CSMD1: variants seen among roughly 807,000 people sequenced by gnomAD.
CSMD1 encodes CUB and sushi domain-containing protein 1.
In CSMD1, 213 loss-of-function variants were observed where a neutral mutation model predicts 417.5. That is an observed-to-expected ratio of 0.51 (90% CI 0.46 to 0.57). The LOEUF is 0.57. Among genes scored for constraint, CSMD1 ranks in the 20% least tolerant of loss-of-function variants. The probability of loss-of-function intolerance (pLI) is 0.00; values close to 1 mark genes in which losing one functional copy is unlikely to be tolerated. For missense variants in CSMD1, 6,923 were observed against 4,529.7 expected, an observed-to-expected ratio of 1.53 and a Z score of -15.17; for synonymous variants, 2,862 against 1,736.8, an observed-to-expected ratio of 1.65 and a Z score of -16.11.
chr8:4,234,025 T>G (rs1356905450), intron 3 of CSMD1, among the ~76,000 whole-genome samples: 1 of 152,038 alleles, frequency 6.6e-6, no homozygotes, highest in Non-Finnish European at 1.5e-5. Context: ...GGCATCTGGT[T>G]AAGAGTCTAC....
At chr8:3,397,245 C>A (rs925662809) in intron 16 of CSMD1, among the ~76,000 whole-genome samples, 1 of 152,160 alleles carries the variant, frequency 6.6e-6, no homozygotes, top group Admixed American at 6.5e-5. Context: ...CACTCAGTCA[C>A]TTTGAGCCAA....
chr8:4,043,640 A>T (rs2130649829), intron 3 of CSMD1, among the ~76,000 whole-genome samples: 1 of 152,326 alleles, frequency 6.6e-6, no homozygotes, highest in East Asian at 1.9e-4. Context: ...TGCATTTTTT[A>T]ATTCTAGGAG....
intron 1 of CSMD1, among the ~76,000 whole-genome samples, chr8:4,970,040 A>C (rs543038578): frequency 6.6e-6 from 1 of 152,298 alleles, no homozygotes; most frequent in East Asian, 1.9e-4. Context: ...AATGCAAATG[A>C]ATGTCCAATA....
intron 3 of CSMD1, among the ~76,000 whole-genome samples, chr8:4,283,665 C>A (rs1157015715): frequency 2.6e-5 from 4 of 152,146 alleles, no homozygotes; most frequent in Admixed American, 6.6e-5. Flanking sequence ...ACAGACACAC[C>A]TCAGTTTTCC....
intron 3 of CSMD1, among the ~76,000 whole-genome samples, chr8:4,095,954 T>TA (rs1054487670): frequency 6.6e-6 from 1 of 152,178 alleles, no homozygotes; most frequent in African/African-American, 2.4e-5. Flanking sequence ...GATTCATGCC[T>TA]AAAAGAAGGA....
At chr8:3,934,442 T>C (rs1404415736) in intron 5 of CSMD1, among the ~76,000 whole-genome samples, 1 of 152,214 alleles carries the variant, frequency 6.6e-6, no homozygotes, top group Admixed American at 6.5e-5. Context: ...AAAATTGTTC[T>C]CATAATTTTC....
intron 1 of CSMD1, among the ~76,000 whole-genome samples, chr8:4,972,279 ACC>A (rs1563906266): frequency 5.4e-5 from 8 of 148,502 alleles, no homozygotes; most frequent in African/African-American, 2.1e-4. Context: ...TTGCTCTGTC[ACC>A]ACCAAAAATT....
chr8:3,122,552 TTGTGAA>T (rs1817267674), intron 41 of CSMD1, among the ~76,000 whole-genome samples: 1 of 152,192 alleles, frequency 6.6e-6, no homozygotes, highest in South Asian at 2.1e-4. Flanking sequence ...TTCCCAAATG[TTGTGAA>T]TGTGGGAGGG....
At chr8:3,985,153 G>A (rs975631165) in intron 5 of CSMD1, among the ~76,000 whole-genome samples, 1 of 152,092 alleles carries the variant, frequency 6.6e-6, no homozygotes, top group Non-Finnish European at 1.5e-5. Flanking sequence ...GGGTGTGATG[G>A]ATGCCAGCTG....
intron 3 of CSMD1, among the ~76,000 whole-genome samples, chr8:4,203,468 A>G (rs144757503): frequency 1.1e-4 from 16 of 152,310 alleles, no homozygotes; most frequent in African/African-American, 3.6e-4. Flanking sequence ...TCTTCTTTCT[A>G]TAATGAAGAA....
At chr8:3,039,399 C>CTTA (rs1210541517) in intron 50 of CSMD1, among the ~76,000 whole-genome samples, 1 of 141,674 alleles carries the variant, frequency 7.1e-6, no homozygotes, top group African/African-American at 2.9e-5. Flanking sequence ...TTCCCCCTTC[C>CTTA]CTTCCTTCCT....
chr8:3,580,993 TC>T (rs1209703420), intron 9 of CSMD1, among the ~76,000 whole-genome samples: 2 of 152,164 alleles, frequency 1.3e-5, no homozygotes, highest in African/African-American at 4.8e-5. Flanking sequence ...TCTGCCTGGC[TC>T]CAATTAGCTC....
At chr8:3,247,879 A>G (rs910062910) in intron 26 of CSMD1, among the ~76,000 whole-genome samples, 1 of 152,238 alleles carries the variant, frequency 6.6e-6, no homozygotes, top group Admixed American at 6.5e-5. Context: ...CAGGATCTCC[A>G]TGGAATCCAT....
At chr8:4,576,145 A>T (rs58568221) in intron 2 of CSMD1, among the ~76,000 whole-genome samples, 3,702 of 152,328 alleles carry the variant, frequency 0.024, 113 homozygotes, top group African/African-American at 0.083. Flanking sequence ...ATAATTGCAG[A>T]AAGTATGCAG....
rs745374213 is a variant in CSMD1, at chr8:2,973,219, G to C, written c.8821C>G (p.Leu2941Val). 3.1e-6 allele frequency: 5 copies of C among 1,613,886 alleles called. No individual in the cohort carries two copies. The East Asian group carries it at 8.9e-5, about 29-fold the overall frequency. The change falls in exon 57 of 70, where the codon CTT (leucine) becomes GTT (valine). Residue 2941 changes from leucine (L) to valine (V), a missense_variant. By Grantham distance (32) the Leu-to-Val change is conservative (BLOSUM62 1). Coordinates refer to ENST00000635120, the MANE Select transcript of CSMD1 (RefSeq NM_033225.6). ...CCCATTTCACAGGAGAAGCGGAGAA[G>C]ACTCTTTGTCTTAAAGTCATCACCA... is the stretch of plus-strand genomic sequence containing the variant. ...RLGDDFKTKS[L>V]LRFSCEMGHQ...
At chr8:4,487,070 G>C (rs1801451545) in intron 2 of CSMD1, among the ~76,000 whole-genome samples, 2 of 152,080 alleles carry the variant, frequency 1.3e-5, no homozygotes, top group South Asian at 4.1e-4. Context: ...AATTAAGTTG[G>C]AGAATTTTTT....
At chr8:4,296,782 C>T (rs931703548) in intron 3 of CSMD1, among the ~76,000 whole-genome samples, 16 of 133,972 alleles carry the variant, frequency 1.2e-4, no homozygotes, top group African/African-American at 3.1e-4. Flanking sequence ...TAGCTTTATG[C>T]TGGTGAAAAT....
chr8:3,655,200 A>T (rs1798042345), intron 7 of CSMD1, among the ~76,000 whole-genome samples: 1 of 152,132 alleles, frequency 6.6e-6, no homozygotes, highest in Non-Finnish European at 1.5e-5. Context: ...TTTGGTCAAA[A>T]CCAACTTTTA....
At chr8:4,484,688 C>T (rs1423401907) in intron 2 of CSMD1, among the ~76,000 whole-genome samples, 1 of 148,330 alleles carries the variant, frequency 6.7e-6, no homozygotes, top group South Asian at 2.2e-4. Context: ...GAGGAAAAGT[C>T]ACCGGGCACG....
Sources: allele counts gnomAD v4.1 joint callset (sites outside exome capture counted in the v4.1 genomes callset), GRCh38; gene constraint gnomAD v4.1.1; transcripts MANE v1.5; gene names NCBI Gene and HGNC (gene_info 2026-07-23, HGNC 2026-07-21).